LRFN2: variants seen among roughly 807,000 people sequenced by gnomAD.
LRFN2 encodes leucine-rich repeat and fibronectin type-III domain-containing protein 2.
LRFN2 carries 18 observed loss-of-function variants against 37.3 expected under a neutral mutation model. The observed-to-expected ratio is 0.48, with a 90% CI of 0.33 to 0.72. LRFN2 has a LOEUF of 0.72. Ranked by LOEUF, LRFN2 falls within the 30% of genes least tolerant of loss-of-function variation. The probability of loss-of-function intolerance (pLI) is 0.02; values close to 1 mark genes in which losing one functional copy is unlikely to be tolerated. For synonymous variants in LRFN2, 556 were observed against 466.6 expected (o/e 1.19, Z -2.47); for missense variants, 1,006 against 1,060.7 (o/e 0.95, Z 0.72).
chr6:40,556,716 G>GACACACAC (rs35308131), intron 1 of LRFN2, among the ~76,000 whole-genome samples: 172 of 120,940 alleles, frequency 1.4e-3, no homozygotes, highest in African/African-American at 4.3e-3. Flanking sequence ...TACCTACATA[G>GACACACAC]ACACACACAC....
At chr6:40,566,690 C>T (rs1450274818) in intron 1 of LRFN2, among the ~76,000 whole-genome samples, 1 of 150,646 alleles carries the variant, frequency 6.6e-6, no homozygotes, top group East Asian at 1.9e-4. Flanking sequence ...ACAATGAGAA[C>T]ACATGGACAC....
In LRFN2 at chr6:40,533,308, A is replaced by C. The variant is rs191848891; in HGVS notation, c.-19+53633T>G. ...TTTATGTACCAATTGAATTTTTAAA[A>C]ATCTGTTCCCTGCTCTAAAAAGTAT... On this transcript the variant is annotated intron_variant, in intron 1 of 2. Coordinates refer to ENST00000338305, the MANE Select transcript of LRFN2 (RefSeq NM_020737.3). 2.0e-3 allele frequency among the ~76,000 whole-genome samples: 307 copies of C among 151,580 alleles called. 1 individual carries two copies. Among genetic ancestry groups the C allele is most frequent in the Non-Finnish European group, 3.9e-3 (267 of 67,936 alleles).
intron 2 of LRFN2, among the ~76,000 whole-genome samples, chr6:40,415,016 G>T (rs1452888852): frequency 6.6e-6 from 1 of 152,076 alleles, no homozygotes; most frequent in African/African-American, 2.4e-5. Context: ...GGTCCACACA[G>T]GACACATTCA....
chr6:40,563,465 T>C (rs1767036596), intron 1 of LRFN2, among the ~76,000 whole-genome samples: 1 of 152,170 alleles, frequency 6.6e-6, no homozygotes, highest in Non-Finnish European at 1.5e-5. Flanking sequence ...CAGTCATTTA[T>C]CACAGTGCAA....
intron 1 of LRFN2, among the ~76,000 whole-genome samples, chr6:40,567,939 A>G (rs888079711): frequency 6.6e-6 from 1 of 152,142 alleles, no homozygotes; most frequent in African/African-American, 2.4e-5. Flanking sequence ...CAATGCCCCT[A>G]AACAGCCTGC....
intron 1 of LRFN2, among the ~76,000 whole-genome samples, chr6:40,447,090 G>A (rs958061577): frequency 2.6e-5 from 4 of 151,654 alleles, no homozygotes; most frequent in African/African-American, 9.7e-5. Flanking sequence ...CTGAGTCAGG[G>A]CTGTGTCTCC....
In LRFN2 at chr6:40,463,334, T is replaced by C. The variant is rs552884604; in HGVS notation, c.-18-30203A>G. Among the ~76,000 whole-genome samples the C allele has an allele frequency of 3.3e-5, 5 of 152,316 alleles. No homozygotes were observed. The East Asian group carries it at 9.7e-4, about 29-fold the overall frequency. ...CCAGAATGCTAATTTGGAGGCTCTT[T>C]ATCTCTCCCCTGGACTGCTGCAATA... On this transcript the variant is annotated intron_variant, in intron 1 of 2. Transcript: ENST00000338305.
intron 1 of LRFN2, among the ~76,000 whole-genome samples, chr6:40,549,784 T>G (rs936184731): frequency 1.3e-5 from 2 of 151,694 alleles, no homozygotes; most frequent in Admixed American, 1.3e-4. Flanking sequence ...ACACCTGTAA[T>G]CCCAGCACTT....
intron 1 of LRFN2, among the ~76,000 whole-genome samples, chr6:40,573,764 G>A (rs2113795842): frequency 6.6e-6 from 1 of 152,294 alleles, no homozygotes; most frequent in Non-Finnish European, 1.5e-5. Flanking sequence ...AATCACCCGA[G>A]GTCATGAGTT....
intron 2 of LRFN2, among the ~76,000 whole-genome samples, chr6:40,398,994 C>T (rs553192684): frequency 3.3e-5 from 5 of 152,002 alleles, no homozygotes; most frequent in Admixed American, 2.0e-4. Context: ...TTCCCAGGCT[C>T]CCTTGTCTGT....
At chr6:40,422,493 G>C (rs1483563630) in intron 2 of LRFN2, among the ~76,000 whole-genome samples, 1 of 151,444 alleles carries the variant, frequency 6.6e-6, no homozygotes, top group Non-Finnish European at 1.5e-5. Context: ...ACACAGTCAG[G>C]GTTGGGAAAC....
At chr6:40,396,169 T>C (rs914876718) in intron 2 of LRFN2, among the ~76,000 whole-genome samples, 1 of 152,212 alleles carries the variant, frequency 6.6e-6, no homozygotes, top group African/African-American at 2.4e-5. Context: ...ACTCTTTTAA[T>C]ACTCCCTAAC....
intron 1 of LRFN2, among the ~76,000 whole-genome samples, chr6:40,558,605 C>T (rs541316346): frequency 6.6e-6 from 1 of 152,164 alleles, no homozygotes; most frequent in African/African-American, 2.4e-5. Flanking sequence ...AGTTCCTGAC[C>T]TTGTGGAGTT....
At chr6:40,437,309 C>T (rs2113830773) in intron 1 of LRFN2, among the ~76,000 whole-genome samples, 1 of 152,240 alleles carries the variant, frequency 6.6e-6, no homozygotes, top group East Asian at 1.9e-4. Flanking sequence ...GATGGACTGC[C>T]TCCGCCATCC....
chr6:40,471,655 G>A (rs1764598239), intron 1 of LRFN2, among the ~76,000 whole-genome samples: 2 of 152,218 alleles, frequency 1.3e-5, no homozygotes, highest in South Asian at 4.1e-4. Flanking sequence ...AAGCGTTGCA[G>A]TGAGGATGGA....
At chr6:40,445,124 G>A (rs548362712) in intron 1 of LRFN2, among the ~76,000 whole-genome samples, 4 of 152,274 alleles carry the variant, frequency 2.6e-5, no homozygotes, top group African/African-American at 9.6e-5. Context: ...GAGCTGGATG[G>A]GACATCTTCC....
At chr6:40,477,635 A>G (rs898582792) in intron 1 of LRFN2, among the ~76,000 whole-genome samples, 2 of 152,136 alleles carry the variant, frequency 1.3e-5, no homozygotes, top group Non-Finnish European at 2.9e-5. Flanking sequence ...GGAATGGGCG[A>G]GAGTTAGCTC....
intron 1 of LRFN2, among the ~76,000 whole-genome samples, chr6:40,518,894 G>A (rs1765965204): frequency 6.6e-6 from 1 of 152,164 alleles, no homozygotes; most frequent in African/African-American, 2.4e-5. Context: ...GTCGGTGAAG[G>A]TGGGTGGGCG....
At chr6:40,542,094 C>T (rs934491525) in intron 1 of LRFN2, among the ~76,000 whole-genome samples, 3 of 152,364 alleles carry the variant, frequency 2.0e-5, no homozygotes, top group East Asian at 1.9e-4. Context: ...TTCTAACTCA[C>T]GCAGACACAC....
Sources: gnomAD v4.1 joint callset for allele counts (sites outside exome capture counted in the v4.1 genomes callset) on GRCh38, gnomAD v4.1.1 for gene constraint, MANE v1.5 for transcripts, NCBI Gene and HGNC (gene_info 2026-07-23, HGNC 2026-07-21) for gene names.